The following TMEM272 variants were observed in gnomAD, a reference collection of about 807,000 sequenced individuals.
The protein encoded by TMEM272 is transmembrane protein 272, also known as long intergenic non-protein coding RNA 282.
A neutral mutation model predicts 3.7 loss-of-function variants in TMEM272; 8 were observed. The ratio of observed to expected loss-of-function variants is 2.17; its 90% CI spans 1.27 to 3.91. The LOEUF (loss-of-function observed/expected upper bound fraction) is 3.91, where lower values mean the gene tolerates loss of function less well. Ranked by LOEUF, TMEM272 falls within the 30% of genes most tolerant of loss-of-function variation. The probability of loss-of-function intolerance (pLI) is 0.00; values close to 1 mark genes in which losing one functional copy is unlikely to be tolerated. For synonymous variants in TMEM272, 63 were observed against 39.8 expected (o/e 1.58, Z -2.20); for missense variants, 166 against 91.5 (o/e 1.81, Z -3.32).
At chr13:51,832,798 T>C (rs1018006117) in intron 2 of TMEM272, among the ~76,000 whole-genome samples, 1 of 152,242 alleles carries the variant, frequency 6.6e-6, no homozygotes, top group Non-Finnish European at 1.5e-5. Flanking sequence ...TGAATATAGA[T>C]GAACTTCTTT....
chr13:51,833,769 G>A (rs952217784), intron 2 of TMEM272, among the ~76,000 whole-genome samples: 1 of 152,186 alleles, frequency 6.6e-6, no homozygotes, highest in Non-Finnish European at 1.5e-5. Flanking sequence ...GTAACAGGAC[G>A]AGTTAGTAAG....
the TMEM272 span, among the ~76,000 whole-genome samples, chr13:51,889,651 G>T: frequency 6.6e-6 from 1 of 151,684 alleles, no homozygotes; most frequent in Non-Finnish European, 1.5e-5. Flanking sequence ...GGTTTTGTTT[G>T]TTTTTTTGAG....
chr13:51,881,864 G>A, the TMEM272 span, among the ~76,000 whole-genome samples: 1 of 152,068 alleles, frequency 6.6e-6, no homozygotes, highest in Non-Finnish European at 1.5e-5. Flanking sequence ...AGCTGCTGAG[G>A]TTATGGTATT....
chr13:51,856,567 T>A, the TMEM272 span, among the ~76,000 whole-genome samples: 2 of 152,024 alleles, frequency 1.3e-5, no homozygotes, highest in East Asian at 3.9e-4. Flanking sequence ...ACCAAGAACA[T>A]CCTGGAGGTC....
the TMEM272 span, among the ~76,000 whole-genome samples, chr13:51,918,384 A>G: frequency 9.2e-5 from 14 of 152,210 alleles, no homozygotes; most frequent in Non-Finnish European, 2.1e-4. Flanking sequence ...AGAATTGCAC[A>G]AGGCAGTATG....
intron 2 of TMEM272, among the ~76,000 whole-genome samples, chr13:51,830,668 T>A (rs920616520): frequency 6.6e-6 from 1 of 152,210 alleles, no homozygotes; most frequent in Non-Finnish European, 1.5e-5. Flanking sequence ...GCTTCCCCTT[T>A]ATTTCAGCCC....
chr13:51,857,390 T>A, the TMEM272 span, among the ~76,000 whole-genome samples: 1 of 151,862 alleles, frequency 6.6e-6, no homozygotes, highest in East Asian at 1.9e-4. Flanking sequence ...ATGAAGAGCA[T>A]GAAAAAAGGT....
In TMEM272 at chr13:51,816,686, T is replaced by C. The variant is rs1956029926; in HGVS notation, c.*65A>G. The C allele has an allele frequency of 1.6e-6, 1 of 639,414 alleles. No individual in the cohort carries two copies. The allele number at this position is 639,414 out of a possible 1,614,324, so 39.6% of individuals were successfully genotyped here. A position where few individuals can be genotyped will look rare whatever the true frequency, so the allele number is the denominator to read the frequency against. Reference sequence around the variant, plus strand: ...GTGTGTGTGTGTGTGTGCGTCTGTGTGTCTGTGTGCACGCGCGTGCATGCA... The same window carrying C: ...GTGTGTGTGTGTGTGTGCGTCTGTGCGTCTGTGTGCACGCGCGTGCATGCA... On this transcript the variant is annotated 3_prime_UTR_variant, in exon 5 of 5. Transcript: ENST00000629372.
chr13:51,889,631 T>TGG, the TMEM272 span, among the ~76,000 whole-genome samples: 4 of 149,702 alleles, frequency 2.7e-5, no homozygotes, highest in African/African-American at 9.9e-5. Flanking sequence ...TTTTTGTGTG[T>TGG]GTGTGGGGGG....
chr13:51,850,808 G>A, the TMEM272 span, among the ~76,000 whole-genome samples: 1 of 151,694 alleles, frequency 6.6e-6, no homozygotes, highest in Admixed American at 6.6e-5. Flanking sequence ...CATTATTAAC[G>A]TATTTATATG....
the TMEM272 span, among the ~76,000 whole-genome samples, chr13:51,919,756 C>A: frequency 1.3e-5 from 2 of 152,248 alleles, no homozygotes; most frequent in African/African-American, 4.8e-5. Flanking sequence ...CTTTGCAGGT[C>A]TCCTGCTGCG....
At chr13:51,881,634 G>A in the TMEM272 span, among the ~76,000 whole-genome samples, 1 of 152,082 alleles carries the variant, frequency 6.6e-6, no homozygotes, top group African/African-American at 2.4e-5. Flanking sequence ...GGGGTCTTTA[G>A]GAGGTGACTG....
At chr13:51,846,885 T>G (rs1410155420), upstream of TMEM272, among the ~76,000 whole-genome samples, 1 of 151,920 alleles carries the variant, frequency 6.6e-6, no homozygotes, top group African/African-American at 2.4e-5. Flanking sequence ...TTTTAATAAA[T>G]GTAGTGTAGC....
chr13:51,915,019 C>T, the TMEM272 span, among the ~76,000 whole-genome samples: 1 of 152,134 alleles, frequency 6.6e-6, no homozygotes, highest in South Asian at 2.1e-4. Context: ...AAATTAGGTA[C>T]AAAAGTGATG....
the TMEM272 span, among the ~76,000 whole-genome samples, chr13:51,891,007 G>T: frequency 6.6e-6 from 1 of 152,210 alleles, no homozygotes; most frequent in African/African-American, 2.4e-5. Flanking sequence ...AGGGCCCAGG[G>T]AAGGTGCTAC....
chr13:51,879,636 C>T, the TMEM272 span, among the ~76,000 whole-genome samples: 1 of 152,296 alleles, frequency 6.6e-6, no homozygotes, highest in South Asian at 2.1e-4. Flanking sequence ...TGTCCTTTAC[C>T]TTCTCACACA....
chr13:51,912,575 A>G, the TMEM272 span, among the ~76,000 whole-genome samples: 333 of 152,102 alleles, frequency 2.2e-3, no homozygotes, highest in African/African-American at 7.6e-3. Context: ...CTTCCTCCCT[A>G]ATTATTGCCA....
chr13:51,928,182 C>G, the TMEM272 span, among the ~76,000 whole-genome samples: 1 of 152,116 alleles, frequency 6.6e-6, no homozygotes, highest in Admixed American at 6.6e-5. Flanking sequence ...CCACTAAGTC[C>G]TAGCAGCAGG....
intron 2 of TMEM272, among the ~76,000 whole-genome samples, chr13:51,829,668 G>C (rs1956156060): frequency 6.6e-6 from 1 of 152,124 alleles, no homozygotes; most frequent in Non-Finnish European, 1.5e-5. Flanking sequence ...CCTTCCCTGT[G>C]CTGCAAGCTT....
Sources: allele counts gnomAD v4.1 joint callset (sites outside exome capture counted in the v4.1 genomes callset), GRCh38; gene constraint gnomAD v4.1.1; transcripts MANE v1.5; gene names NCBI Gene and HGNC (gene_info 2026-07-23, HGNC 2026-07-21).